Variants in RPH3A observed in about 807,000 individuals in gnomAD.
RPH3A encodes rabphilin-3A.
In RPH3A, 48 loss-of-function variants were observed where a neutral mutation model predicts 102.2. The observed-to-expected ratio is 0.47, with a 90% CI of 0.37 to 0.60. The LOEUF (loss-of-function observed/expected upper bound fraction) is 0.60. Ranked by LOEUF, RPH3A falls within the 20% of genes least tolerant of loss-of-function variation. The pLI is 0.00. For synonymous variants in RPH3A, 310 were observed against 324.3 expected, an observed-to-expected ratio of 0.96 and a Z score of 0.47; for missense variants, 781 against 910.1, an observed-to-expected ratio of 0.86 and a Z score of 1.83.
intron 1 of RPH3A, among the ~76,000 whole-genome samples, chr12:112,716,501 A>C (rs953853530): frequency 6.6e-6 from 1 of 152,348 alleles, no homozygotes; most frequent in African/African-American, 2.4e-5. Context: ...AGGAGGATGG[A>C]TGCCTCTGCT....
At chr12:112,691,910 A>T (rs191410684) in intron 1 of RPH3A, among the ~76,000 whole-genome samples, 232 of 152,340 alleles carry the variant, frequency 1.5e-3, no homozygotes, top group African/African-American at 4.8e-3. Context: ...GGCAAGGTAC[A>T]CTGTCCAATA....
chr12:112,619,104 T>A (rs2039702094), intron 1 of RPH3A, among the ~76,000 whole-genome samples: 1 of 152,208 alleles, frequency 6.6e-6, no homozygotes, highest in South Asian at 2.1e-4. Flanking sequence ...TGTTCCTCAG[T>A]TGATAGACAT....
chr12:112,774,798 G>GAGCAGTAGGAAAAAT (rs1193397923), intron 1 of RPH3A, among the ~76,000 whole-genome samples: 1 of 151,942 alleles, frequency 6.6e-6, no homozygotes, highest in Admixed American at 6.6e-5. Context: ...AGGGGGCGGA[G>GAGCAGTAGGAAAAAT]AGCAGTAGGA....
At chr12:112,892,762 A>G (rs958074966) in intron 19 of RPH3A, 1 of 152,044 alleles carries the variant, frequency 6.6e-6, no homozygotes, top group South Asian at 2.1e-4. Context: ...AACCACCATC[A>G]CTGTCCTTAC....
At chr12:112,698,789 A>G (rs553164057) in intron 1 of RPH3A, among the ~76,000 whole-genome samples, 171 of 152,212 alleles carry the variant, frequency 1.1e-3, no homozygotes, top group African/African-American at 4.0e-3. Context: ...CACTGCAGAA[A>G]ACGGTAGGAT....
At position 112,890,072 on chromosome 12, in the gene RPH3A, G is replaced by T; in HGVS notation, c.1612G>T (p.Glu538Ter). Residue 538 changes from glutamate to a stop codon, truncating the protein, a stop_gained, in exon 18 of 22, where the codon GAG (glutamate) becomes TAG (stop). Transcript: ENST00000389385. LOFTEE classifies it high-confidence loss of function. Reference sequence around the variant, plus strand: ...GTCAGCCCGAGGCATGGCCCTTTATGAGGAAGAGGTGAGCACTGAGCAGGA... The same window carrying T: ...GTCAGCCCGAGGCATGGCCCTTTATTAGGAAGAGGTGAGCACTGAGCAGGA... ...TGSARGMALY[E>*]EEQVERVGDI... 6.2e-7 allele frequency: 1 copy of T among 1,613,596 alleles called. No homozygotes were observed.
intron 1 of RPH3A, among the ~76,000 whole-genome samples, chr12:112,707,665 C>A (rs947980371): frequency 1.3e-5 from 2 of 152,228 alleles, no homozygotes; most frequent in African/African-American, 4.8e-5. Context: ...TTGTTTACAT[C>A]ATTGGGTATT....
intron 5 of RPH3A, among the ~76,000 whole-genome samples, chr12:112,858,134 G>A (rs1201666095): frequency 6.6e-6 from 1 of 151,700 alleles, no homozygotes; most frequent in Non-Finnish European, 1.5e-5. Context: ...GGACGTAGTG[G>A]CACGCACCTG....
intron 4 of RPH3A, 52 bp downstream of exon 4, chr12:112,836,554 C>G (rs1188971111): frequency 1.1e-6 from 1 of 948,408 alleles, no homozygotes; most frequent in Non-Finnish European, 1.5e-6. Context: ...TGTATTTTAT[C>G]TCTTTCTCTG....
chr12:112,700,868 C>G (rs189286818), intron 1 of RPH3A, among the ~76,000 whole-genome samples: 1 of 152,302 alleles, frequency 6.6e-6, no homozygotes, highest in East Asian at 1.9e-4. Context: ...TATCCATTCT[C>G]ATGTCCCAAC....
At chr12:112,614,518 T>C (rs1331527127) in intron 1 of RPH3A, among the ~76,000 whole-genome samples, 2 of 146,264 alleles carry the variant, frequency 1.4e-5, no homozygotes, top group Non-Finnish European at 3.0e-5. Context: ...ACCCTGTCTC[T>C]ATTAAAAAAA....
chr12:112,636,530 T>G (rs1381238261), intron 1 of RPH3A, among the ~76,000 whole-genome samples: 1 of 152,154 alleles, frequency 6.6e-6, no homozygotes. Flanking sequence ...TGGGGCCAGG[T>G]GTGCTAAACT....
intron 1 of RPH3A, among the ~76,000 whole-genome samples, chr12:112,758,334 C>A (rs891133968): frequency 1.3e-5 from 2 of 152,190 alleles, no homozygotes; most frequent in Non-Finnish European, 2.9e-5. Flanking sequence ...TTCCCCAATA[C>A]AGTGTCAGTC....
intron 1 of RPH3A, among the ~76,000 whole-genome samples, chr12:112,698,540 C>A (rs1010291886): frequency 3.3e-4 from 46 of 140,512 alleles, no homozygotes; most frequent in Non-Finnish European, 4.4e-4. Context: ...GCTTTTTAAA[C>A]CATAAAATAA....
chr12:112,863,845 A>G (rs1374938429), intron 5 of RPH3A, among the ~76,000 whole-genome samples: 2 of 152,194 alleles, frequency 1.3e-5, no homozygotes, highest in Non-Finnish European at 1.5e-5. Flanking sequence ...TACTTTTGCT[A>G]GATATATGTG....
At chr12:112,684,265 T>G (rs890680253) in intron 1 of RPH3A, among the ~76,000 whole-genome samples, 2 of 152,100 alleles carry the variant, frequency 1.3e-5, no homozygotes, top group Non-Finnish European at 2.9e-5. Flanking sequence ...TTGTTTTGCT[T>G]TTGTTTTTTT....
At chr12:112,624,710 G>A (rs1174680450) in intron 1 of RPH3A, among the ~76,000 whole-genome samples, 14 of 134,608 alleles carry the variant, frequency 1.0e-4, no homozygotes, top group African/African-American at 4.0e-4. Flanking sequence ...ATTTTATGAG[G>A]CCAGCATCAT....
chr12:112,678,295 AAGAAAGAAAG>A lies in RPH3A; in HGVS notation c.-140+102980_-140+102989del, dbSNP rs754746115. On this transcript the variant is annotated intron_variant, in intron 1 of 21. Transcript: ENST00000543106. Reference sequence around the variant, plus strand: ...AAAGAAAGAAAGAAAGAAAGAAAGAAAGAAAGAAAGAGAGAGAGAGAGAAAGAAAGAAAGA... The same window carrying A: ...AAAGAAAGAAAGAAAGAAAGAAAGAAAGAGAGAGAGAGAAAGAAAGAAAGA... 1.6e-3 allele frequency among the ~76,000 whole-genome samples: 54 copies of A among 34,828 alleles called. 1 individual carries two copies. The highest frequency in any genetic ancestry group is 0.014 in the East Asian group (14 of 976). The allele number at this position is 34,828 out of a possible 152,430, so 22.8% of individuals were successfully genotyped here.
intron 8 of RPH3A, chr12:112,869,557 T>C: frequency 3.4e-6 from 2 of 596,638 alleles, no homozygotes; most frequent in South Asian, 4.2e-5. Flanking sequence ...CTGTGTATGC[T>C]CATATGTGTT....
Sources: allele counts gnomAD v4.1 joint callset (sites outside exome capture counted in the v4.1 genomes callset), GRCh38; gene constraint gnomAD v4.1.1; transcripts MANE v1.5; gene names NCBI Gene and HGNC (gene_info 2026-07-23, HGNC 2026-07-21).